The following CRYGD variants were observed in gnomAD, a reference collection of about 807,000 sequenced individuals.
CRYGD encodes gamma-crystallin D.
A neutral mutation model predicts 11.3 loss-of-function variants in CRYGD; 13 were observed. That is an observed-to-expected ratio of 1.15 (90% CI 0.75 to 1.83). The LOEUF (loss-of-function observed/expected upper bound fraction) is 1.83, where lower values mean the gene tolerates loss of function less well. CRYGD is among the 40% of genes most tolerant of loss of function. The pLI, the probability that CRYGD is intolerant of heterozygous loss-of-function variation, is 0.00. For missense variants in CRYGD, 231 were observed against 229.9 expected (o/e 1.00, Z -0.03); for synonymous variants, 77 against 89.5 (o/e 0.86, Z 0.79).
Position 208,121,753 on chromosome 2 carries a change from C to G in CRYGD, c.445G>C (p.Gly149Arg), listed in dbSNP as rs781641424. The G allele has an allele frequency of 6.2e-7, 1 of 1,614,176 alleles. No individual in the cohort carries two copies. The highest frequency in any genetic ancestry group is 2.2e-5 in the East Asian group (1 of 44,884). Residue 149 changes from glycine (G) to arginine (R), a missense_variant, in exon 3 of 3, where the codon GGG becomes CGG. Gly to Arg is a moderately radical substitution (Grantham distance 125). Coordinates refer to ENST00000264376, the MANE Select transcript of CRYGD (RefSeq NM_006891.4). The part of the protein sequence containing the change: ...YRGRQYLLMP[G>R]DYRRYQDWGA... ...CAGTCCTGGTAGCGCCTATAGTCCC[C>G]TGGCATCAGCAGGTACTGCCGTCCT...
chr2:208,123,101 C>T (rs988349690), intron 2 of CRYGD, among the ~76,000 whole-genome samples: 1 of 146,552 alleles, frequency 6.8e-6, no homozygotes, highest in Non-Finnish European at 1.5e-5. Flanking sequence ...TATATATATA[C>T]ACACATATAA....
chr2:208,123,007 C>G (rs939573623), intron 2 of CRYGD, among the ~76,000 whole-genome samples: 1 of 149,564 alleles, frequency 6.7e-6, no homozygotes, highest in Admixed American at 6.6e-5. Context: ...TGCAGTGAGC[C>G]GAGATTGCAC....
Position 208,124,282 on chromosome 2 carries a change from G to T in CRYGD, c.82C>A (p.Pro28Thr), listed in dbSNP as rs1480723165. The T allele has an allele frequency of 6.2e-7, 1 of 1,611,578 alleles. No homozygotes were observed. Reference protein sequence around the residue: ...ECSSDHPNLQPYLSRCNSARV... With the variant: ...ECSSDHPNLQTYLSRCNSARV... ...GCCGAGTTGCAGCGGCTCAAGTAGG[G>T]CTGCAGGTTGGGGTGGTCGCTGCTG... Residue 28 changes from proline (P) to threonine (T), a missense_variant, in exon 2 of 3, where the codon CCC becomes ACC. Transcript: ENST00000264376.
chr2:208,124,082 G>T, intron 2 of CRYGD, 30 bp downstream of exon 2: 1 of 1,611,574 alleles, frequency 6.2e-7, no homozygotes, highest in Non-Finnish European at 8.5e-7. Context: ...TGTCCTGAGG[G>T]CCTGGGTCCT....
At position 208,121,609 on chromosome 2, in the gene CRYGD, C is replaced by T. The variant is rs183496209; in HGVS notation, c.*64G>A. On this transcript the variant is annotated 3_prime_UTR_variant, in exon 3 of 3. Coordinates refer to ENST00000264376, the MANE Select transcript of CRYGD (RefSeq NM_006891.4). Reference sequence around the variant, plus strand: ...AAAGAAAGACACAAGCAAATCAGTGCCAGGAACACACAGAAAATATTTTAT... The same window carrying T: ...AAAGAAAGACACAAGCAAATCAGTGTCAGGAACACACAGAAAATATTTTAT... 2.5e-6 allele frequency: 4 copies of T among 1,587,460 alleles called. No individual in the cohort carries two copies. Among genetic ancestry groups the T allele is most frequent in the South Asian group, 1.2e-5 (1 of 86,926 alleles).
rs760319008 is a variant in CRYGD at position 208,124,165 on chromosome 2, G to A, written c.199C>T (p.Gln67Ter). 1.9e-6 allele frequency: 3 copies of A among 1,611,728 alleles called. No individual in the cohort carries two copies. The highest frequency in any genetic ancestry group is 1.1e-5 in the South Asian group (1 of 91,002). ...GAGTCGCTGAGGCCCATCCACTGCT[G>A]GTGGTCGGCATAGTCGCCGCGGCGC... ...FLRRGDYADH[Q>*]QWMGLSDSVR... The change falls in exon 2 of 3, where the codon CAG becomes TAG. Residue 67 changes from glutamine to a stop codon, truncating the protein, a stop_gained. Transcript: ENST00000264376. LOFTEE classifies it high-confidence loss of function.
intron 2 of CRYGD, among the ~76,000 whole-genome samples, chr2:208,123,419 T>C (rs1218324816): frequency 6.8e-6 from 1 of 146,520 alleles, no homozygotes; most frequent in Non-Finnish European, 1.5e-5. Flanking sequence ...AAGCCTTCTA[T>C]TCAAAATATA....
At position 208,124,311 on chromosome 2, in the gene CRYGD, T is replaced by C; in HGVS notation, c.53A>G (p.Glu18Gly). The C allele has an allele frequency of 1.2e-6, 2 of 1,610,982 alleles. No individual in the cohort carries two copies. The highest frequency in any genetic ancestry group is 1.7e-6 in the Non-Finnish European group (2 of 1,179,014). The change falls in exon 2 of 3, where the codon GAA (glutamate) becomes GGA (glycine). Residue 18 changes from glutamate (E) to glycine (G), a missense_variant. By Grantham distance (98) the Glu-to-Gly change is moderately conservative. Coordinates refer to ENST00000264376, the MANE Select transcript of CRYGD (RefSeq NM_006891.4). ...CAGGTTGGGGTGGTCGCTGCTGCATTCATAGTGGCGGCCCTGGAAGCCCCG... is the reference window on the plus strand; with the variant it reads ...CAGGTTGGGGTGGTCGCTGCTGCATCCATAGTGGCGGCCCTGGAAGCCCCG... ...EDRGFQGRHY[E>G]CSSDHPNLQP...
At position 208,124,116 on chromosome 2, in the gene CRYGD, G is replaced by A. The variant is rs1694928219; in HGVS notation, c.248C>T (p.Pro83Leu). The A allele has an allele frequency of 6.2e-7, 1 of 1,611,628 alleles. No individual in the cohort carries two copies. Among genetic ancestry groups the A allele is most frequent in the South Asian group, 1.1e-5 (1 of 90,998 alleles). Reference sequence around the variant, plus strand: ...CTGACTTGAGGATGTACTCACGTGGGGGATGAGGCGGCAGGAGCGGACCGA... The same window carrying A: ...CTGACTTGAGGATGTACTCACGTGGAGGATGAGGCGGCAGGAGCGGACCGA... ...SDSVRSCRLIPHSGSHRIRLY... is the reference protein window; with the variant it reads ...SDSVRSCRLILHSGSHRIRLY... Residue 83 changes from proline to leucine, a missense_variant, in exon 2 of 3, where the codon CCC becomes CTC. By Grantham distance (98) the Pro-to-Leu change is moderately conservative. Transcript: ENST00000264376.
rs567096422 is a variant in CRYGD at position 208,124,511 on chromosome 2, C to T, written c.-38G>A. 4 of 1,541,766 alleles carry T rather than the reference C, an allele frequency of 2.6e-6. No homozygotes were observed. In the African/African-American group the frequency reaches 4.7e-5, roughly 18 times the overall value. On this transcript the variant is annotated 5_prime_UTR_variant, in exon 1 of 3. Coordinates refer to ENST00000264376, the MANE Select transcript of CRYGD (RefSeq NM_006891.4). The stretch of plus-strand genomic sequence containing the variant: ...GCACGGCGGTGCTGAGCTGGTGGGG[C>T]GGCGGCGCTGAGCGGGTGGGGCTGC...
Position 208,121,955 on chromosome 2 carries a change from C to T in CRYGD, c.253-10G>A. 1 of 1,613,904 alleles carries T rather than the reference C, an allele frequency of 6.2e-7. No individual in the cohort carries two copies. Among genetic ancestry groups the T allele is most frequent in the Non-Finnish European group, 8.5e-7 (1 of 1,180,016 alleles). ...TCCTGTGAGAGCCAGACTGGCGGACCCAGAAATAAAAAGAGAAGAAAAGCA... is the reference window on the plus strand; with the variant it reads ...TCCTGTGAGAGCCAGACTGGCGGACTCAGAAATAAAAAGAGAAGAAAAGCA... On this transcript the variant is annotated splice_polypyrimidine_tract_variant and intron_variant, in intron 2 of 2. Coordinates refer to ENST00000264376, the MANE Select transcript of CRYGD (RefSeq NM_006891.4).
Position 208,124,125 on chromosome 2 carries a change from C to A in CRYGD, c.239G>T (p.Arg80Leu), listed in dbSNP as rs1262452200. ...MGLSDSVRSC[R>L]LIPHSGSHRI... ...GGATGTACTCACGTGGGGGATGAGG[C>A]GGCAGGAGCGGACCGAGTCGCTGAG... Residue 80 changes from arginine to leucine, a missense_variant, in exon 2 of 3, where the codon CGC becomes CTC. Coordinates refer to ENST00000264376, the MANE Select transcript of CRYGD (RefSeq NM_006891.4). 1.2e-6 allele frequency: 2 copies of A among 1,611,640 alleles called. No individual in the cohort carries two copies. The highest frequency in any genetic ancestry group is 1.7e-5 in the Admixed American group (1 of 60,010).
In CRYGD at chr2:208,121,741, G is replaced by T; in HGVS notation, c.457C>A (p.Arg153Ser). ...QYLLMPGDYRRYQDWGATNAR... is the reference protein window; with the variant it reads ...QYLLMPGDYRSYQDWGATNAR... ...TTCGTGGCCCCCCAGTCCTGGTAGC[G>T]CCTATAGTCCCCTGGCATCAGCAGG... Residue 153 changes from arginine to serine, a missense_variant, in exon 3 of 3, where the codon CGC (arginine) becomes AGC (serine). Coordinates refer to ENST00000264376, the MANE Select transcript of CRYGD (RefSeq NM_006891.4). 6.2e-7 allele frequency: 1 copy of T among 1,614,088 alleles called. No individual in the cohort carries two copies. The highest frequency in any genetic ancestry group is 1.1e-5 in the South Asian group (1 of 91,078).
chr2:208,123,412 C>A (rs1268757944), intron 2 of CRYGD, among the ~76,000 whole-genome samples: 2 of 145,190 alleles, frequency 1.4e-5, no homozygotes, highest in Admixed American at 1.4e-4. Context: ...AATATATAAG[C>A]CTTCTATTCA....
In CRYGD at chr2:208,121,822, C is replaced by T. The variant is rs150318966; in HGVS notation, c.376G>A (p.Val126Met). 3,930 of 1,614,118 alleles carry T rather than the reference C, an allele frequency of 2.4e-3. 9 individuals carry two copies. Among genetic ancestry groups the T allele is most frequent in the Non-Finnish European group, 3.1e-3 (3,618 of 1,180,016 alleles). ...FRFNEIHSLN[V>M]LEGSWVLYEL... ...TAGAGGACCCAGGAGCCCTCCAGCA[C>T]GTTGAGGGAGTGGATTTCATTGAAG... Residue 126 changes from valine (V) to methionine (M), a missense_variant, in exon 3 of 3, where the codon GTG becomes ATG. Transcript: ENST00000264376.
chr2:208,124,394 T>C, intron 1 of CRYGD, 40 bp from the exon 2 acceptor site: 1 of 1,607,824 alleles, frequency 6.2e-7, no homozygotes, highest in Non-Finnish European at 8.5e-7. Flanking sequence ...CTCACAGGCC[T>C]GCTCCTGCCC....
chr2:208,124,313 A>G lies in CRYGD; in HGVS notation c.51T>C (p.Tyr17=), dbSNP rs2242074. 0.56 allele frequency: 900,055 copies of G among 1,608,444 alleles called. 255,625 individuals are homozygous for G. Among genetic ancestry groups the G allele is most frequent in the South Asian group, 0.73 (66,380 of 90,530 alleles). The change falls in exon 2 of 3, where the codon TAT becomes TAC. Residue 17 remains tyrosine, a synonymous_variant. Coordinates refer to ENST00000264376, the MANE Select transcript of CRYGD (RefSeq NM_006891.4). ...GGTTGGGGTGGTCGCTGCTGCATTCATAGTGGCGGCCCTGGAAGCCCCGGT... is the reference window on the plus strand; with the variant it reads ...GGTTGGGGTGGTCGCTGCTGCATTCGTAGTGGCGGCCCTGGAAGCCCCGGT... ...YEDRGFQGRH[Y]ECSSDHPNLQ...
intron 2 of CRYGD, among the ~76,000 whole-genome samples, chr2:208,122,237 A>T (rs1292696404): frequency 6.6e-6 from 1 of 151,940 alleles, no homozygotes; most frequent in Admixed American, 6.6e-5. Flanking sequence ...ACCACATGCA[A>T]ATCCAAACCT....
chr2:208,121,868 G>C lies in CRYGD; in HGVS notation c.330C>G (p.Ser110=). The C allele has an allele frequency of 6.2e-7, 1 of 1,614,212 alleles. No homozygotes were observed. The highest frequency in any genetic ancestry group is 8.5e-7 in the Non-Finnish European group (1 of 1,180,038). ...TGAAGCGGAAGCGGTCCTGAAGACA[G>C]GAGCAGTCCTCAGTGAACTCTATCA... ...GQMIEFTEDC[S]CLQDRFRFNE... Residue 110 remains serine, a synonymous_variant, in exon 3 of 3, where the codon TCC becomes TCG. Coordinates refer to ENST00000264376, the MANE Select transcript of CRYGD (RefSeq NM_006891.4).
Sources: allele counts gnomAD v4.1 joint callset (sites outside exome capture counted in the v4.1 genomes callset), GRCh38; gene constraint gnomAD v4.1.1; transcripts MANE v1.5; gene names NCBI Gene and HGNC (gene_info 2026-07-23, HGNC 2026-07-21).